CRHR2: variants seen among roughly 807,000 people sequenced by gnomAD.
CRHR2 encodes the protein corticotropin-releasing hormone receptor 2.
Under a neutral mutation model 57.9 loss-of-function variants are expected in CRHR2, and 53 were observed. The ratio of observed to expected loss-of-function variants is 0.92; its 90% CI spans 0.73 to 1.15. CRHR2 has a LOEUF of 1.15. Ranked by LOEUF, CRHR2 falls within the 50% of genes most tolerant of loss-of-function variation. The probability of loss-of-function intolerance (pLI) is 0.00; values close to 1 mark genes in which losing one functional copy is unlikely to be tolerated. For missense variants in CRHR2, 532 were observed against 542.6 expected, an observed-to-expected ratio of 0.98 and a Z score of 0.19; for synonymous variants, 213 against 220.9, an observed-to-expected ratio of 0.96 and a Z score of 0.32.
At chr7:30,697,897 A>C (rs1416332531) in intron 1 of CRHR2, 3 of 152,158 alleles carry the variant, frequency 2.0e-5, no homozygotes, top group African/African-American at 7.2e-5. Context: ...GAGCCCATTT[A>C]CTGGAACTTG....
At chr7:30,687,066 A>T (rs181701344), upstream of CRHR2, among the ~76,000 whole-genome samples, 33 of 152,278 alleles carry the variant, frequency 2.2e-4, no homozygotes, top group African/African-American at 7.5e-4. Context: ...TGCATTTGTC[A>T]TTCTCTGGCT....
In CRHR2 at chr7:30,655,569, A is replaced by C; in HGVS notation, c.1053+11T>G. The C allele has an allele frequency of 6.2e-7, 1 of 1,607,838 alleles. No individual in the cohort carries two copies. Among genetic ancestry groups the C allele is most frequent in the Non-Finnish European group, 8.5e-7 (1 of 1,176,558 alleles). On this transcript the variant is annotated intron_variant, in intron 10 of 11. Transcript: ENST00000471646. ...CTCACTGTGGGGCCCCCATCTGGTCACAGGCCCCACCTGGAACGACTGCAG... is the reference window on the plus strand; with the variant it reads ...CTCACTGTGGGGCCCCCATCTGGTCCCAGGCCCCACCTGGAACGACTGCAG...
chr7:30,662,088 A>G, intron 7 of CRHR2, 68 bp downstream of exon 7: 2 of 1,561,660 alleles, frequency 1.3e-6, no homozygotes, highest in Non-Finnish European at 1.8e-6. Flanking sequence ...GCCAGAGCCC[A>G]AGGCTGACCT....
intron 2 of CRHR2, among the ~76,000 whole-genome samples, chr7:30,667,769 C>T (rs1167544972): frequency 1.3e-5 from 2 of 152,230 alleles, no homozygotes; most frequent in Non-Finnish European, 2.9e-5. Flanking sequence ...ACCACTTCCT[C>T]TTCTAACTGC....
intron 10 of CRHR2, 78 bp from the exon 11 acceptor site, chr7:30,655,158 C>T (rs1783732270): frequency 1.4e-6 from 2 of 1,428,532 alleles, no homozygotes; most frequent in Admixed American, 2.0e-5. Flanking sequence ...GCACTGGGGA[C>T]AAGATGGTGG....
chr7:30,653,607 G>T lies in CRHR2; in HGVS notation c.1096-7C>A. 1 of 1,605,666 alleles carries T rather than the reference G, an allele frequency of 6.2e-7. No individual in the cohort carries two copies. Among genetic ancestry groups the T allele is most frequent in the Non-Finnish European group, 8.5e-7 (1 of 1,177,852 alleles). ...TCCTCACGGCTGAGCGCACCTGTGG[G>T]GAAGGCAGAGGCTCAGCTGGCTCCC... On this transcript the variant is annotated splice_polypyrimidine_tract_variant and splice_region_variant and intron_variant, in intron 11 of 11. Coordinates refer to ENST00000471646, the MANE Select transcript of CRHR2 (RefSeq NM_001883.5). The surrounding 1 kb of genome is among the most constrained non-coding windows in gnomAD (Gnocchi z 5.0).
chr7:30,668,400 C>T (rs1319826040), intron 2 of CRHR2, among the ~76,000 whole-genome samples: 1 of 151,986 alleles, frequency 6.6e-6, no homozygotes, highest in Admixed American at 6.5e-5. Flanking sequence ...CTGAACGTTC[C>T]ATTGTTTGGG....
At position 30,665,479 on chromosome 7, in the gene CRHR2, G is replaced by C. The variant is rs536926139; in HGVS notation, c.425+51C>G. Reference sequence around the variant, plus strand: ...AGAATGTCTGGGAGAGGTGAAGGGGGTGCTGTAGGGGGAGGGATGAGGAGA... The same window carrying C: ...AGAATGTCTGGGAGAGGTGAAGGGGCTGCTGTAGGGGGAGGGATGAGGAGA... On this transcript the variant is annotated intron_variant, in intron 4 of 11. Coordinates refer to ENST00000471646, the MANE Select transcript of CRHR2 (RefSeq NM_001883.5). The surrounding 1 kb of genome is among the most constrained non-coding windows in gnomAD (Gnocchi z 4.5). 61 of 1,406,292 alleles carry C rather than the reference G, an allele frequency of 4.3e-5. No individual in the cohort carries two copies. The East Asian group carries it at 1.5e-3, about 35-fold the overall frequency. 87.1% of individuals were successfully genotyped at this position (1,406,292 alleles called of 1,614,324 possible).
intron 3 of CRHR2, among the ~76,000 whole-genome samples, chr7:30,666,819 T>C (rs1784199412): frequency 6.6e-6 from 1 of 152,188 alleles, no homozygotes; most frequent in African/African-American, 2.4e-5. Flanking sequence ...CAGCTTCTCA[T>C]GGGGACAGCC....
chr7:30,697,052 A>G (rs1229840379), intron 1 of CRHR2, among the ~76,000 whole-genome samples: 1 of 152,248 alleles, frequency 6.6e-6, no homozygotes, highest in Non-Finnish European at 1.5e-5. Context: ...AAAGTCATTC[A>G]ATGCATTAGC....
intron 6 of CRHR2, 106 bp from the exon 7 acceptor site, chr7:30,662,322 T>C: frequency 1.5e-6 from 2 of 1,348,130 alleles, no homozygotes; most frequent in Non-Finnish European, 2.1e-6. Context: ...TTTTTACTCT[T>C]CCAACAGCAG....
chr7:30,699,150 T>G (rs745895645), intron 1 of CRHR2, among the ~76,000 whole-genome samples: 9 of 152,148 alleles, frequency 5.9e-5, no homozygotes, highest in Non-Finnish European at 8.8e-5. Flanking sequence ...GAGCCTCAGT[T>G]TCCCCATCTG....
chr7:30,666,562 A>G (rs1207601320), intron 3 of CRHR2, among the ~76,000 whole-genome samples: 1 of 152,162 alleles, frequency 6.6e-6, no homozygotes, highest in African/African-American at 2.4e-5. Context: ...TGTGGCTCAC[A>G]TTTTGCAGAA....
chr7:30,657,843 C>T (rs1562793837), intron 8 of CRHR2, among the ~76,000 whole-genome samples: 1 of 152,244 alleles, frequency 6.6e-6, no homozygotes, highest in South Asian at 2.1e-4. Context: ...TACCCAACAA[C>T]CAATTCATTC....
Position 30,653,744 on chromosome 7 carries a change from T to A in CRHR2, c.1096-144A>T. 1.0e-6 allele frequency: 1 copy of A among 986,550 alleles called. No individual in the cohort carries two copies. Among genetic ancestry groups the A allele is most frequent in the African/African-American group, 1.6e-5 (1 of 60,924 alleles). The allele number at this position is 986,550 out of a possible 1,614,324, so 61.1% of individuals were successfully genotyped here. A position where few individuals can be genotyped will look rare whatever the true frequency, so the allele number is the denominator to read the frequency against. On this transcript the variant is annotated intron_variant, in intron 11 of 11. Coordinates refer to ENST00000471646, the MANE Select transcript of CRHR2 (RefSeq NM_001883.5). The surrounding 1 kb of genome is among the most constrained non-coding windows in gnomAD (Gnocchi z 5.0). ...TCTGCTTCCAAAACAGGTCCTTCCC[T>A]GATGCTGTTGCCTCTCTCCAGGGGC...
rs1323609325 is a variant in CRHR2 at position 30,662,281 on chromosome 7, C to G, written c.698-65G>C. The stretch of plus-strand genomic sequence containing the variant: ...ACAGGGACTTTCTTGTAGGACATAC[C>G]GTGGGGTACCACAACAGGGCTAGGA... On this transcript the variant is annotated intron_variant, in intron 6 of 11. Transcript: ENST00000471646. 1.9e-6 allele frequency: 3 copies of G among 1,560,990 alleles called. No individual in the cohort carries two copies. In the African/African-American group the frequency reaches 4.1e-5, roughly 21 times the overall value.
Position 30,682,031 on chromosome 7 carries a change from G to C in CRHR2, c.113C>G (p.Ser38Cys), listed in dbSNP as rs1277147739. 6.3e-7 allele frequency: 1 copy of C among 1,590,954 alleles called. No individual in the cohort carries two copies. The highest frequency in any genetic ancestry group is 8.6e-7 in the Non-Finnish European group (1 of 1,169,162). ...CTGGTCCAAGGTCGTGTTGCAGTAG[G>C]AGTAGGGACCTGGCGGCGGGAGAGA... Reference protein sequence around the residue: ...GPPLDPEGPYSYCNTTLDQIG... With the variant: ...GPPLDPEGPYCYCNTTLDQIG... Residue 38 changes from serine to cysteine, a missense_variant, in exon 2 of 12, where the codon TCC becomes TGC. Transcript: ENST00000471646.
At chr7:30,657,591 G>A (rs117768534) in intron 8 of CRHR2, among the ~76,000 whole-genome samples, 3,365 of 152,260 alleles carry the variant, frequency 0.022, 48 homozygotes, top group South Asian at 0.047. Context: ...AGTAGAAACT[G>A]TTGGAATCAA....
chr7:30,669,351 G>A (rs78900840), intron 2 of CRHR2, among the ~76,000 whole-genome samples: 2,278 of 152,248 alleles, frequency 0.015, 59 homozygotes, highest in African/African-American at 0.052. Flanking sequence ...GCCTGGAGCT[G>A]TCTAGGTGAG....
Sources: gnomAD v4.1 joint callset for allele counts (sites outside exome capture counted in the v4.1 genomes callset) on GRCh38, gnomAD v4.1.1 for gene constraint, Gnocchi (gnomAD v3.1) non-coding constraint, MANE v1.5 for transcripts, NCBI Gene and HGNC (gene_info 2026-07-23, HGNC 2026-07-21) for gene names.